Variants in CARMIL1 observed in about 807,000 individuals in gnomAD.
The protein encoded by CARMIL1 is F-actin-uncapping protein LRRC16A.
CARMIL1 carries 90 observed loss-of-function variants against 177.1 expected under a neutral mutation model. The ratio of observed to expected loss-of-function variants is 0.51; its 90% CI spans 0.43 to 0.61. The LOEUF is 0.61. Ranked by LOEUF, CARMIL1 falls within the 20% of genes least tolerant of loss-of-function variation. The probability of loss-of-function intolerance (pLI) is 0.00; values close to 1 mark genes in which losing one functional copy is unlikely to be tolerated. For synonymous variants in CARMIL1, 577 were observed against 606.2 expected (o/e 0.95, Z 0.71); for missense variants, 1,380 against 1,667.0 (o/e 0.83, Z 3.00).
chr6:25,326,413 G>T lies in CARMIL1; in HGVS notation c.138+41504G>T, dbSNP rs140104779. ...GGAGCTTGGATTTGATTTTACTGGG[G>T]AAATAACATAATCTGATATGTTTAA... On this transcript the variant is annotated intron_variant, in intron 2 of 36. Coordinates refer to ENST00000329474, the MANE Select transcript of CARMIL1 (RefSeq NM_017640.6). The surrounding 1 kb of genome is among the most constrained non-coding windows in gnomAD (Gnocchi z 4.2). Among the ~76,000 whole-genome samples, 1,009 of 152,272 alleles carry T rather than the reference G, an allele frequency of 6.6e-3. 7 individuals carry two copies. The highest frequency in any genetic ancestry group is 0.017 in the African/African-American group (699 of 41,558).
chr6:25,493,650 C>G (rs1025410208), intron 15 of CARMIL1, among the ~76,000 whole-genome samples: 11 of 152,148 alleles, frequency 7.2e-5, no homozygotes, highest in Admixed American at 3.9e-4. Context: ...GGAAGTCATA[C>G]ACATCATTTC....
At chr6:25,449,748 CA>C in intron 5 of CARMIL1, 149 bp from the exon 6 acceptor site, 3 of 530,168 alleles carry the variant, frequency 5.7e-6, no homozygotes, top group Non-Finnish European at 6.8e-6. Context: ...CTCTAGTGCT[CA>C]AAAAAATTGA....
chr6:25,403,897 T>G (rs1410887468), intron 2 of CARMIL1, among the ~76,000 whole-genome samples: 1 of 152,250 alleles, frequency 6.6e-6, no homozygotes, highest in Non-Finnish European at 1.5e-5. Flanking sequence ...GAATGAAATA[T>G]AAGCTGCTTG....
At chr6:25,555,361 G>C (rs1473544535) in intron 28 of CARMIL1, among the ~76,000 whole-genome samples, 2 of 150,018 alleles carry the variant, frequency 1.3e-5, no homozygotes, top group African/African-American at 2.5e-5. Context: ...TTTTAAATAA[G>C]TACAAACAAA....
intron 2 of CARMIL1, among the ~76,000 whole-genome samples, chr6:25,358,937 A>G (rs1256029004): frequency 6.6e-6 from 1 of 152,228 alleles, no homozygotes; most frequent in Non-Finnish European, 1.5e-5. Context: ...CAATTTTATT[A>G]TATGATCATT....
chr6:25,593,291 C>A (rs1158032800), intron 31 of CARMIL1, among the ~76,000 whole-genome samples: 1 of 152,170 alleles, frequency 6.6e-6, no homozygotes, highest in Non-Finnish European at 1.5e-5. Flanking sequence ...AGCTCCTGAA[C>A]AGGTTTACCT....
At chr6:25,320,754 C>T (rs1352204003) in intron 2 of CARMIL1, among the ~76,000 whole-genome samples, 1 of 152,172 alleles carries the variant, frequency 6.6e-6, no homozygotes, top group East Asian at 1.9e-4. Context: ...TTGGCTTTTC[C>T]AAAGGATCCC....
Position 25,510,718 on chromosome 6 carries a change from C to A in CARMIL1, c.1588C>A (p.Pro530Thr), listed in dbSNP as rs373049310. ...FNNMKSKNLT[P>T]VLDNLVQMIQ... ...CTAAAATCTCTTTAGAAATCTGACA[C>A]CTGTATTGGACAACTTAGTACAGAT... The change falls in exon 20 of 37, where the codon CCT (proline) becomes ACT (threonine). Residue 530 changes from proline to threonine, a missense_variant. Transcript: ENST00000329474. The A allele has an allele frequency of 1.4e-5, 21 of 1,548,478 alleles. No individual in the cohort carries two copies. The highest frequency in any genetic ancestry group is 1.8e-5 in the Non-Finnish European group (20 of 1,142,728).
chr6:25,302,761 A>T (rs1462265118), intron 2 of CARMIL1, among the ~76,000 whole-genome samples: 1 of 152,220 alleles, frequency 6.6e-6, no homozygotes, highest in Non-Finnish European at 1.5e-5. Flanking sequence ...ACAGCCGCCC[A>T]TCTCAGCACT....
At chr6:25,425,907 G>C (rs1242881849) in intron 3 of CARMIL1, among the ~76,000 whole-genome samples, 2 of 152,066 alleles carry the variant, frequency 1.3e-5, no homozygotes, top group South Asian at 2.1e-4. Context: ...CATTCAAACT[G>C]TGCATTTTTA....
intron 29 of CARMIL1, among the ~76,000 whole-genome samples, chr6:25,573,590 C>A (rs565273344): frequency 0.013 from 879 of 69,216 alleles, no homozygotes; most frequent in Admixed American, 0.017. Flanking sequence ...TACCTCTAAG[C>A]AAAAAAAAAA....
chr6:25,349,030 A>T (rs1368132350), intron 2 of CARMIL1, among the ~76,000 whole-genome samples: 1 of 152,120 alleles, frequency 6.6e-6, no homozygotes, highest in African/African-American at 2.4e-5. Flanking sequence ...GGTGAATTTA[A>T]ATTTGACAGT....
At chr6:25,492,111 G>C in intron 15 of CARMIL1, 87 bp downstream of exon 15, 1 of 1,105,258 alleles carries the variant, frequency 9.0e-7, no homozygotes, top group Admixed American at 2.0e-5. Context: ...GTGATAAAGG[G>C]TGAATGTTGT....
At chr6:25,425,012 T>C (rs1796167574) in intron 3 of CARMIL1, among the ~76,000 whole-genome samples, 1 of 152,196 alleles carries the variant, frequency 6.6e-6, no homozygotes, top group South Asian at 2.1e-4. Context: ...GGAAGGTATG[T>C]ATACTTTTTA....
At chr6:25,573,989 T>C (rs1324824873) in intron 29 of CARMIL1, among the ~76,000 whole-genome samples, 2 of 152,306 alleles carry the variant, frequency 1.3e-5, no homozygotes, top group South Asian at 2.1e-4. Flanking sequence ...CTAACACTTA[T>C]CAAACACTTA....
intron 33 of CARMIL1, among the ~76,000 whole-genome samples, chr6:25,603,493 A>G (rs4711088): frequency 0.4 from 61,445 of 151,990 alleles, 12,793 homozygotes; most frequent in Non-Finnish European, 0.46. Context: ...ACTGGGGTAG[A>G]TTGATGAATT....
chr6:25,409,732 A>C lies in CARMIL1; in HGVS notation c.139-10382A>C, dbSNP rs78921616. Among the ~76,000 whole-genome samples the C allele has an allele frequency of 4.0e-3, 613 of 152,256 alleles. 1 individual carries two copies. The highest frequency in any genetic ancestry group is 0.014 in the Middle Eastern group (4 of 294). ...TCGAGAATTGTGCACACACACACAC[A>C]TTTGCATGCGAGTACCATGTATATA... On this transcript the variant is annotated intron_variant, in intron 2 of 36. Transcript: ENST00000329474.
intron 4 of CARMIL1, among the ~76,000 whole-genome samples, chr6:25,426,887 A>T (rs1280050058): frequency 6.6e-6 from 1 of 152,198 alleles, no homozygotes; most frequent in Non-Finnish European, 1.5e-5. Context: ...ATAAGGGCTT[A>T]GTGGGAATAT....
intron 12 of CARMIL1, among the ~76,000 whole-genome samples, chr6:25,487,172 A>T (rs1189977674): frequency 6.6e-6 from 1 of 152,156 alleles, no homozygotes; most frequent in African/African-American, 2.4e-5. Context: ...GAAGCTGGAG[A>T]AGACAATGGC....
Sources: gnomAD v4.1 joint callset for allele counts (sites outside exome capture counted in the v4.1 genomes callset) on GRCh38, gnomAD v4.1.1 for gene constraint, Gnocchi (gnomAD v3.1) non-coding constraint, MANE v1.5 for transcripts, NCBI Gene and HGNC (gene_info 2026-07-23, HGNC 2026-07-21) for gene names.